CEP295: variants seen among roughly 807,000 people sequenced by gnomAD.
CEP295 encodes centrosomal protein of 295 kDa.
In CEP295, 190 loss-of-function variants were observed where a neutral mutation model predicts 291.6. The observed-to-expected ratio is 0.65, with a 90% confidence interval of 0.58 to 0.73. The LOEUF (loss-of-function observed/expected upper bound fraction) is 0.73, where lower values mean the gene tolerates loss of function less well. CEP295 is among the 30% of genes least tolerant of loss of function. The pLI, the probability that CEP295 is intolerant of heterozygous loss-of-function variation, is 0.00. For synonymous variants in CEP295, 993 were observed against 1,038.8 expected (o/e 0.96, Z 0.85); for missense variants, 2,863 against 2,949.4 (o/e 0.97, Z 0.68).
At chr11:93,667,521 C>A in intron 2 of CEP295, 86 bp from the exon 3 acceptor site, 1 of 897,324 alleles carries the variant, frequency 1.1e-6, no homozygotes, top group Non-Finnish European at 1.7e-6. Context: ...TAAGAGAATT[C>A]ATTTGAGTTC....
chr11:93,667,885 T>C, intron 3 of CEP295, 78 bp downstream of exon 3: 1 of 982,626 alleles, frequency 1.0e-6, no homozygotes. Flanking sequence ...TGAATGCTTT[T>C]CTGATAACAT....
intron 6 of CEP295, 65 bp from the exon 7 acceptor site, chr11:93,679,347 G>A: frequency 7.2e-7 from 1 of 1,379,554 alleles, no homozygotes; most frequent in Non-Finnish European, 9.8e-7. Flanking sequence ...AGGTTGTTTT[G>A]TTTTTTAGTT....
intron 12 of CEP295, among the ~76,000 whole-genome samples, chr11:93,694,710 A>G (rs558683569): frequency 6.6e-6 from 1 of 152,390 alleles, no homozygotes; most frequent in African/African-American, 2.4e-5. Context: ...TGTTTTCAGC[A>G]GTACAGAGTA....
intron 9 of CEP295, among the ~76,000 whole-genome samples, chr11:93,685,211 G>A (rs866714203): frequency 3.3e-5 from 5 of 152,198 alleles, no homozygotes; most frequent in East Asian, 3.9e-4. Flanking sequence ...TTTTTGCCCC[G>A]TATCTACTGG....
chr11:93,695,493 C>T lies in CEP295; in HGVS notation c.1534-4C>T. 2 of 1,435,442 alleles carry T rather than the reference C, an allele frequency of 1.4e-6. No homozygotes were observed. The highest frequency in any genetic ancestry group is 1.5e-5 in the African/African-American group (1 of 66,700). The allele number at this position is 1,435,442 out of a possible 1,614,324, so 88.9% of individuals were successfully genotyped here. On this transcript the variant is annotated splice_region_variant and splice_polypyrimidine_tract_variant and intron_variant, in intron 12 of 29. Transcript: ENST00000325212. ...TAATAGATCAATAGTATTTTGTTAC[C>T]TAGATAATGGAAATAGAAGAGCAGA...
intron 18 of CEP295, among the ~76,000 whole-genome samples, chr11:93,717,272 TA>T (rs1953337818): frequency 6.6e-6 from 1 of 152,236 alleles, no homozygotes; most frequent in South Asian, 2.1e-4. Flanking sequence ...CTTTTTTATT[TA>T]CACAATGGAT....
chr11:93,727,025 G>T lies in CEP295; in HGVS notation c.6549G>T (p.Glu2183Asp). The T allele has an allele frequency of 6.5e-7, 1 of 1,548,766 alleles. No individual in the cohort carries two copies. Among genetic ancestry groups the T allele is most frequent in the Non-Finnish European group, 8.7e-7 (1 of 1,145,984 alleles). ...TTCAGCCAGAATATTCTTCACAGGA[G>T]GAGAGCCAGCATGCTGATCTACCAA... Reference protein sequence around the residue: ...EQLQPEYSSQEESQHADLPSI... With the variant: ...EQLQPEYSSQDESQHADLPSI... The change falls in exon 24 of 30, where the codon GAG (glutamate) becomes GAT (aspartate). Residue 2183 changes from glutamate (E) to aspartate (D), a missense_variant. Physicochemically the swap from Glu to Asp is conservative, Grantham distance 45. Transcript: ENST00000325212.
At chr11:93,718,232 A>C (rs1429910604) in intron 18 of CEP295, among the ~76,000 whole-genome samples, 1 of 152,216 alleles carries the variant, frequency 6.6e-6, no homozygotes. Flanking sequence ...TATTTTAGAA[A>C]GGTCTGTCTT....
At position 93,729,504 on chromosome 11, in the gene CEP295, T is replaced by A; in HGVS notation, c.7373T>A (p.Ile2458Lys). The A allele has an allele frequency of 1.9e-6, 3 of 1,551,856 alleles. No homozygotes were observed. The highest frequency in any genetic ancestry group is 2.6e-6 in the Non-Finnish European group (3 of 1,146,992). The change falls in exon 26 of 30, where the codon ATA becomes AAA. Residue 2458 changes from isoleucine to lysine, a missense_variant. By Grantham distance (102) the Ile-to-Lys change is moderately radical (BLOSUM62 -3). Coordinates refer to ENST00000325212, the MANE Select transcript of CEP295 (RefSeq NM_033395.2). ...SDYPAVSELS[I>K]EKPRTASTET... is the part of the protein sequence containing the mutation. ...TATCCAGCTGTATCAGAACTTTCCA[T>A]AGAAAAACCAAGGACAGCATCTACA...
At chr11:93,717,666 T>C (rs1953369786) in intron 18 of CEP295, among the ~76,000 whole-genome samples, 1 of 152,160 alleles carries the variant, frequency 6.6e-6, no homozygotes, top group African/African-American at 2.4e-5. Context: ...AGGGAATGCT[T>C]GGCCATTCTT....
At chr11:93,701,342 C>A (rs988032870) in intron 15 of CEP295, among the ~76,000 whole-genome samples, 1 of 151,902 alleles carries the variant, frequency 6.6e-6, no homozygotes, top group African/African-American at 2.4e-5. Context: ...CCAGCCTGGG[C>A]GATGAGGGAG....
chr11:93,679,492 A>T lies in CEP295; in HGVS notation c.705A>T (p.Glu235Asp). Residue 235 changes from glutamate to aspartate, a missense_variant, in exon 7 of 30, where the codon GAA becomes GAT. Glu to Asp is a conservative substitution (Grantham distance 45). Transcript: ENST00000325212. ...AACAGGCAGCACAAGAGAGAATGGA[A>T]CGGTTTGAAAAGGCACATGTACGGG... Reference protein sequence around the residue: ...LQKQAAQERMERFEKAHVRGF... With the variant: ...LQKQAAQERMDRFEKAHVRGF... 2 of 1,551,600 alleles carry T rather than the reference A, an allele frequency of 1.3e-6. No individual in the cohort carries two copies. Among genetic ancestry groups the T allele is most frequent in the Non-Finnish European group, 1.7e-6 (2 of 1,146,904 alleles).
At position 93,699,377 on chromosome 11, in the gene CEP295, G is replaced by A; in HGVS notation, c.4465G>A (p.Glu1489Lys). 2 of 1,551,870 alleles carry A rather than the reference G, an allele frequency of 1.3e-6. No individual in the cohort carries two copies. Among genetic ancestry groups the A allele is most frequent in the Non-Finnish European group, 8.7e-7 (1 of 1,147,020 alleles). Reference protein sequence around the residue: ...ELVLSKPCKFEEKVSSEHFIQ... With the variant: ...ELVLSKPCKFKEKVSSEHFIQ... ...GGTTTTGTCAAAACCATGTAAATTT[G>A]AGGAAAAGGTATCTTCTGAGCATTT... is the stretch of plus-strand genomic sequence containing the variant. The change falls in exon 15 of 30, where the codon GAG becomes AAG. Residue 1489 changes from glutamate to lysine, a missense_variant. Physicochemically the swap from Glu to Lys is moderately conservative, Grantham distance 56. Transcript: ENST00000325212.
intron 18 of CEP295, among the ~76,000 whole-genome samples, chr11:93,713,861 C>A (rs1486514440): frequency 6.6e-6 from 1 of 152,064 alleles, no homozygotes; most frequent in South Asian, 2.1e-4. Flanking sequence ...ATTCTCTTAT[C>A]TTTTGTCTCC....
intron 10 of CEP295, among the ~76,000 whole-genome samples, chr11:93,690,633 G>A (rs1431454685): frequency 6.8e-6 from 1 of 146,004 alleles, no homozygotes; most frequent in East Asian, 2.1e-4. Context: ...TCGGGAGCAT[G>A]AGGCAGGAGA....
intron 18 of CEP295, among the ~76,000 whole-genome samples, chr11:93,718,365 C>G (rs1027626467): frequency 6.6e-6 from 1 of 152,228 alleles, no homozygotes; most frequent in Non-Finnish European, 1.5e-5. Flanking sequence ...TGCCTTCCTG[C>G]ATGGCATGAA....
Position 93,698,965 on chromosome 11 carries a change from G to T in CEP295, c.4053G>T (p.Leu1351Phe), listed in dbSNP as rs1951993110. 1 of 1,550,954 alleles carries T rather than the reference G, an allele frequency of 6.4e-7. No homozygotes were observed. The highest frequency in any genetic ancestry group is 8.7e-7 in the Non-Finnish European group (1 of 1,147,008). ...SQLIQPQQDN[L>F]KALQEQLATQ... ...TTATCCAGCCTCAACAAGATAATTT[G>T]AAGGCACTTCAAGAACAGTTAGCTA... Residue 1351 changes from leucine (L) to phenylalanine (F), a missense_variant, in exon 15 of 30, where the codon TTG (leucine) becomes TTT (phenylalanine). Coordinates refer to ENST00000325212, the MANE Select transcript of CEP295 (RefSeq NM_033395.2).
At chr11:93,683,888 G>T in intron 8 of CEP295, 76 bp from the exon 9 acceptor site, 10 of 1,478,862 alleles carry the variant, frequency 6.8e-6, no homozygotes, top group Non-Finnish European at 9.1e-6. Flanking sequence ...ACATTACCGT[G>T]GCCTTTGCAT....
At chr11:93,672,698 G>A (rs867658479) in intron 5 of CEP295, among the ~76,000 whole-genome samples, 6 of 152,292 alleles carry the variant, frequency 3.9e-5, no homozygotes, top group African/African-American at 7.2e-5. Context: ...TTACTGTGGA[G>A]CAAAACTAAG....
Sources: gnomAD v4.1 joint callset for allele counts (sites outside exome capture counted in the v4.1 genomes callset) on GRCh38, gnomAD v4.1.1 for gene constraint, MANE v1.5 for transcripts, NCBI Gene and HGNC (gene_info 2026-07-23, HGNC 2026-07-21) for gene names.